CHIC2: variants seen among roughly 807,000 people sequenced by gnomAD.
CHIC2 encodes cysteine-rich hydrophobic domain-containing protein 2.
CHIC2 carries 14 observed loss-of-function variants against 25.9 expected under a neutral mutation model. The ratio of observed to expected loss-of-function variants is 0.54; its 90% CI spans 0.36 to 0.85. The LOEUF (loss-of-function observed/expected upper bound fraction) is 0.85, where lower values mean the gene tolerates loss of function less well. Ranked by LOEUF, CHIC2 falls within the 40% of genes least tolerant of loss-of-function variation. CHIC2 has a pLI of 0.01. For missense variants in CHIC2, 146 were observed against 202.0 expected (o/e 0.72, Z 1.68); for synonymous variants, 70 against 72.0 (o/e 0.97, Z 0.14).
At chr4:54,087,971 A>G in the CHIC2 span, among the ~76,000 whole-genome samples, 1 of 152,318 alleles carries the variant, frequency 6.6e-6, no homozygotes, top group South Asian at 2.1e-4. Context: ...TCTCATTTCA[A>G]AGTTGCTACC....
intron 3 of CHIC2, among the ~76,000 whole-genome samples, chr4:54,028,858 C>A (rs529062658): frequency 6.6e-6 from 1 of 152,306 alleles, no homozygotes; most frequent in South Asian, 2.1e-4. Context: ...GGCGCAGCGG[C>A]TCACGCCTGT....
intron 3 of CHIC2, among the ~76,000 whole-genome samples, chr4:54,034,436 A>G (rs1332515125): frequency 2.6e-5 from 4 of 151,976 alleles, no homozygotes; most frequent in African/African-American, 9.7e-5. Context: ...CTTCTGACAC[A>G]AGAACCAATA....
At position 54,049,267 on chromosome 4, in the gene CHIC2, G is replaced by A. The variant is rs774482202; in HGVS notation, c.158C>T (p.Ser53Phe). The A allele has an allele frequency of 6.2e-7, 1 of 1,603,446 alleles. No individual in the cohort carries two copies. The highest frequency in any genetic ancestry group is 1.1e-5 in the South Asian group (1 of 89,246). ...GACACTCACTTTTCCAGTTAATGAA[G>A]AAGGGAATTCAGATTCAAATTTGTT... Reference protein sequence around the residue: ...LSNKFESEFPSSLTGKVAPEE... With the variant: ...LSNKFESEFPFSLTGKVAPEE... Residue 53 changes from serine to phenylalanine, a missense_variant, in exon 2 of 6, where the codon TCT (serine) becomes TTT (phenylalanine). Coordinates refer to ENST00000263921, the MANE Select transcript of CHIC2 (RefSeq NM_012110.4).
intron 3 of CHIC2, among the ~76,000 whole-genome samples, chr4:54,039,068 C>CAA (rs934686106): frequency 7.0e-6 from 1 of 142,604 alleles, no homozygotes; most frequent in Admixed American, 7.0e-5. Flanking sequence ...AAGTGATATG[C>CAA]AAAAAAAAAA....
chr4:54,024,013 G>A (rs1284841421), intron 3 of CHIC2, among the ~76,000 whole-genome samples: 3 of 152,134 alleles, frequency 2.0e-5, no homozygotes, highest in African/African-American at 4.8e-5. Context: ...TCAGGGCAAC[G>A]CTTATGCTGA....
At chr4:54,058,401 C>G (rs1444858481) in intron 1 of CHIC2, among the ~76,000 whole-genome samples, 1 of 152,044 alleles carries the variant, frequency 6.6e-6, no homozygotes, top group East Asian at 1.9e-4. Flanking sequence ...TGCCTCATAT[C>G]AAAGACCACA....
At chr4:54,027,728 C>T (rs1402825547) in intron 3 of CHIC2, among the ~76,000 whole-genome samples, 1 of 152,182 alleles carries the variant, frequency 6.6e-6, no homozygotes, top group Non-Finnish European at 1.5e-5. Flanking sequence ...CCCATCTTTA[C>T]TGCATGGGAC....
intron 1 of CHIC2, among the ~76,000 whole-genome samples, chr4:54,051,205 C>T (rs966229481): frequency 3.3e-5 from 5 of 151,946 alleles, no homozygotes; most frequent in Admixed American, 6.6e-5. Context: ...ACTCCATTTC[C>T]TTCCTTATTT....
chr4:54,075,101 C>A, the CHIC2 span, among the ~76,000 whole-genome samples: 1 of 151,976 alleles, frequency 6.6e-6, no homozygotes, highest in African/African-American at 2.4e-5. Flanking sequence ...AGAGTGAGAC[C>A]CAGTCTCCAA....
At chr4:54,014,015 G>T in intron 4 of CHIC2, 48 bp downstream of exon 4, 1 of 1,600,924 alleles carries the variant, frequency 6.2e-7, no homozygotes, top group Non-Finnish European at 8.6e-7. Flanking sequence ...TTTCCATACT[G>T]TGCAATTCAG....
chr4:54,084,820 C>T, the CHIC2 span, among the ~76,000 whole-genome samples: 2 of 151,624 alleles, frequency 1.3e-5, no homozygotes, highest in Admixed American at 1.3e-4. Flanking sequence ...ATTAGTCAGG[C>T]GTGGTGGTGT....
chr4:54,039,695 C>T (rs563799380), intron 3 of CHIC2, among the ~76,000 whole-genome samples: 4 of 152,200 alleles, frequency 2.6e-5, no homozygotes, highest in South Asian at 2.1e-4. Flanking sequence ...CCATATAACC[C>T]GGCAATCCCC....
At chr4:54,018,406 A>G (rs1715806795) in intron 3 of CHIC2, among the ~76,000 whole-genome samples, 1 of 152,148 alleles carries the variant, frequency 6.6e-6, no homozygotes, top group Non-Finnish European at 1.5e-5. Flanking sequence ...AACAAATTAA[A>G]TGCCATTAGA....
intron 1 of CHIC2, chr4:54,060,269 T>C (rs1162530398): frequency 2.6e-5 from 4 of 152,158 alleles, no homozygotes. Context: ...TTCCATAACA[T>C]ATCTGGAATG....
chr4:54,090,200 T>TA, the CHIC2 span, among the ~76,000 whole-genome samples: 1 of 152,068 alleles, frequency 6.6e-6, no homozygotes, highest in East Asian at 1.9e-4. Flanking sequence ...TATATATATA[T>TA]TTTTTAGATG....
At chr4:54,062,580 T>C (rs539301876) in intron 1 of CHIC2, among the ~76,000 whole-genome samples, 5 of 152,312 alleles carry the variant, frequency 3.3e-5, no homozygotes, top group Admixed American at 1.3e-4. Context: ...TTGCCCACTA[T>C]TGCATTTTCC....
At chr4:54,042,868 A>T (rs1452466508) in intron 3 of CHIC2, among the ~76,000 whole-genome samples, 2 of 152,264 alleles carry the variant, frequency 1.3e-5, no homozygotes, top group Admixed American at 1.3e-4. Context: ...AATAGAATGT[A>T]CCAGTTTAAA....
At chr4:54,061,306 A>G (rs1286361128) in intron 1 of CHIC2, 1 of 152,160 alleles carries the variant, frequency 6.6e-6, no homozygotes, top group African/African-American at 2.4e-5. Flanking sequence ...TGAGAATACC[A>G]GTTTCTAAAA....
intron 3 of CHIC2, among the ~76,000 whole-genome samples, chr4:54,028,283 G>C (rs1716121728): frequency 6.6e-6 from 1 of 152,044 alleles, no homozygotes; most frequent in African/African-American, 2.4e-5. Context: ...TCTCTCTGCT[G>C]GTAGGTATAA....
Sources: allele counts gnomAD v4.1 joint callset (sites outside exome capture counted in the v4.1 genomes callset), GRCh38; gene constraint gnomAD v4.1.1; transcripts MANE v1.5; gene names NCBI Gene and HGNC (gene_info 2026-07-23, HGNC 2026-07-21).